Variants in MAML2 observed in about 807,000 individuals in gnomAD.
MAML2 encodes the protein mastermind-like protein 2.
MAML2 carries 22 observed loss-of-function variants against 96.1 expected under a neutral mutation model. That is an observed-to-expected ratio of 0.23 (90% CI 0.16 to 0.33). The LOEUF is 0.33. Ranked by LOEUF, MAML2 falls within the 10% of genes least tolerant of loss-of-function variation. The probability of loss-of-function intolerance (pLI) is 1.00; values close to 1 mark genes in which losing one functional copy is unlikely to be tolerated. For missense variants in MAML2, 1,367 were observed against 1,392.4 expected, an observed-to-expected ratio of 0.98 and a Z score of 0.29; for synonymous variants, 561 against 521.3, an observed-to-expected ratio of 1.08 and a Z score of -1.04.
At chr11:96,166,177 T>TCTCACACACACACACACA (rs530578845) in intron 1 of MAML2, among the ~76,000 whole-genome samples, 1 of 110,330 alleles carries the variant, frequency 9.1e-6, no homozygotes, top group African/African-American at 3.5e-5. Context: ...TCTCTCTCTC[T>TCTCACACACACACACACA]CACACACACA....
At chr11:96,214,299 G>A (rs989732770) in intron 1 of MAML2, among the ~76,000 whole-genome samples, 2 of 152,174 alleles carry the variant, frequency 1.3e-5, no homozygotes, top group African/African-American at 2.4e-5. Flanking sequence ...ACGTTTTTGA[G>A]TCACGAAATT....
At chr11:96,242,510 G>A (rs1290999380) in intron 1 of MAML2, among the ~76,000 whole-genome samples, 1 of 152,132 alleles carries the variant, frequency 6.6e-6, no homozygotes, top group Non-Finnish European at 1.5e-5. Flanking sequence ...TCATAAAAGG[G>A]GGAAAACATT....
rs1336884310 is a variant in MAML2, at chr11:95,985,534, A to C, written c.2452T>G (p.Ser818Ala). 3.2e-6 allele frequency: 5 copies of C among 1,584,340 alleles called. No individual in the cohort carries two copies. The highest frequency in any genetic ancestry group is 4.3e-6 in the Non-Finnish European group (5 of 1,157,172). ...ATTAATTTTTAAGAACACTTACCAGAATACTGAGCAGTTGGTTGCATATTG... is the reference window on the plus strand; with the variant it reads ...ATTAATTTTTAAGAACACTTACCAGCATACTGAGCAGTTGGTTGCATATTG... ...VGNMQPTAQY[S>A]GGSSTISLNS... Residue 818 changes from serine to alanine, a missense_variant, in exon 4 of 5, where the codon TCT becomes GCT. Physicochemically the swap from Ser to Ala is moderately conservative, Grantham distance 99 (BLOSUM62 1). Transcript: ENST00000524717.
chr11:96,336,165 A>T (rs1306122837), intron 1 of MAML2, among the ~76,000 whole-genome samples: 1 of 143,220 alleles, frequency 7.0e-6, no homozygotes, highest in Non-Finnish European at 1.5e-5. Flanking sequence ...GGACCTGAAC[A>T]TGGTCTAACT....
intron 1 of MAML2, among the ~76,000 whole-genome samples, chr11:96,093,772 G>A (rs2135814269): frequency 6.6e-6 from 1 of 152,336 alleles, no homozygotes; most frequent in Middle Eastern, 3.4e-3. Flanking sequence ...GTTCCCATGA[G>A]TGGTTCATAG....
At position 95,998,076 on chromosome 11, in the gene MAML2, T is replaced by C. The variant is rs16922825; in HGVS notation, c.2140-6353A>G. ...GACTCTTTATATAGCAACAGCTTCC[T>C]TATATAGCAAAGCCTATATCTACCC... On this transcript the variant is annotated intron_variant, in intron 2 of 4. Coordinates refer to ENST00000524717, the MANE Select transcript of MAML2 (RefSeq NM_032427.4). 8.8e-3 allele frequency among the ~76,000 whole-genome samples: 1,336 copies of C among 152,228 alleles called. 58 individuals are homozygous for C. The highest frequency in any genetic ancestry group is 0.072 in the Admixed American group (1,098 of 15,266).
At chr11:96,247,898 T>TA (rs1464210506) in intron 1 of MAML2, among the ~76,000 whole-genome samples, 2 of 152,124 alleles carry the variant, frequency 1.3e-5, no homozygotes, top group African/African-American at 4.8e-5. Context: ...ACTTAACTGA[T>TA]ATGTATACCC....
chr11:96,251,144 TG>T (rs1361926406), intron 1 of MAML2, among the ~76,000 whole-genome samples: 2 of 152,232 alleles, frequency 1.3e-5, no homozygotes, highest in Admixed American at 1.3e-4. Context: ...CTTCTGCCAT[TG>T]ATGTTGCCCA....
At chr11:96,155,724 C>T (rs1861002297) in intron 1 of MAML2, among the ~76,000 whole-genome samples, 1 of 151,418 alleles carries the variant, frequency 6.6e-6, no homozygotes, top group East Asian at 1.9e-4. Flanking sequence ...CTGCCCCGCC[C>T]CTCCTGCTCT....
At chr11:96,153,746 C>T (rs542381233) in intron 1 of MAML2, among the ~76,000 whole-genome samples, 4 of 151,946 alleles carry the variant, frequency 2.6e-5, no homozygotes, top group African/African-American at 9.7e-5. Context: ...CCCATCTCTA[C>T]TAAAAATACA....
At chr11:96,173,762 CTT>C (rs1329840593) in intron 1 of MAML2, among the ~76,000 whole-genome samples, 5 of 152,212 alleles carry the variant, frequency 3.3e-5, no homozygotes, top group African/African-American at 1.2e-4. Flanking sequence ...TTTCTTCTCT[CTT>C]GTCCCCCAAC....
chr11:96,178,127 C>T (rs1861420064), intron 1 of MAML2, among the ~76,000 whole-genome samples: 1 of 148,788 alleles, frequency 6.7e-6, no homozygotes, highest in African/African-American at 2.5e-5. Context: ...CAGGCTGAGA[C>T]ATCAACACCT....
intron 1 of MAML2, among the ~76,000 whole-genome samples, chr11:96,170,039 C>T (rs976205431): frequency 2.0e-5 from 3 of 152,196 alleles, no homozygotes; most frequent in African/African-American, 7.2e-5. Context: ...ACAGAGGGCT[C>T]CACAACAAAA....
At position 95,978,839 on chromosome 11, in the gene MAML2, G is replaced by A; in HGVS notation, c.*109C>T. On this transcript the variant is annotated 3_prime_UTR_variant, in exon 5 of 5. Coordinates refer to ENST00000524717, the MANE Select transcript of MAML2 (RefSeq NM_032427.4). ...CTTTCTGCTTTCCATTTTTAAGCAT[G>A]TTATCTTCATGTAGTCCACCTGAAC... 9.8e-7 allele frequency: 1 copy of A among 1,022,094 alleles called. No homozygotes were observed. The highest frequency in any genetic ancestry group is 1.8e-5 in the South Asian group (1 of 55,668). 63.3% of individuals were successfully genotyped at this position (1,022,094 alleles called of 1,614,324 possible).
intron 1 of MAML2, among the ~76,000 whole-genome samples, chr11:96,199,937 A>G (rs983243648): frequency 1.3e-5 from 2 of 152,236 alleles, no homozygotes; most frequent in Non-Finnish European, 2.9e-5. Context: ...CAATCATTTC[A>G]TTAAGTACAT....
At chr11:96,076,703 AC>A (rs1238706708) in intron 2 of MAML2, among the ~76,000 whole-genome samples, 2 of 152,130 alleles carry the variant, frequency 1.3e-5, no homozygotes, top group African/African-American at 4.8e-5. Context: ...GGTCTCCCAC[AC>A]CCCACAACTC....
At chr11:96,011,523 C>T (rs1204605407) in intron 2 of MAML2, among the ~76,000 whole-genome samples, 1 of 152,032 alleles carries the variant, frequency 6.6e-6, no homozygotes, top group Non-Finnish European at 1.5e-5. Flanking sequence ...ACATTGAGTA[C>T]ACATGGACAT....
intron 1 of MAML2, among the ~76,000 whole-genome samples, chr11:96,128,986 T>C (rs994911576): frequency 6.6e-6 from 1 of 152,158 alleles, no homozygotes; most frequent in African/African-American, 2.4e-5. Context: ...TTGAGGACAA[T>C]CCATTGTTAG....
chr11:96,289,990 G>A (rs1303738159), intron 1 of MAML2, among the ~76,000 whole-genome samples: 1 of 152,120 alleles, frequency 6.6e-6, no homozygotes, highest in Non-Finnish European at 1.5e-5. Context: ...GATCCTCTAA[G>A]CTCTCTCACT....
Sources: gnomAD v4.1 joint callset for allele counts (sites outside exome capture counted in the v4.1 genomes callset) on GRCh38, gnomAD v4.1.1 for gene constraint, MANE v1.5 for transcripts, NCBI Gene and HGNC (gene_info 2026-07-23, HGNC 2026-07-21) for gene names.